Variants in ZNF607 observed in about 807,000 individuals in gnomAD.
The protein encoded by ZNF607 is zinc finger protein 607.
A neutral mutation model predicts 12.8 loss-of-function variants in ZNF607; 5 were observed. The ratio of observed to expected loss-of-function variants is 0.39; its 90% confidence interval spans 0.20 to 0.82. The LOEUF (loss-of-function observed/expected upper bound fraction) is 0.82. Ranked by LOEUF, ZNF607 falls within the 40% of genes least tolerant of loss-of-function variation. The pLI, the probability that ZNF607 is intolerant of heterozygous loss-of-function variation, is 0.39. For missense variants in ZNF607, 851 were observed against 859.2 expected, an observed-to-expected ratio of 0.99 and a Z score of 0.12; for synonymous variants, 287 against 276.2, an observed-to-expected ratio of 1.04 and a Z score of -0.39.
intron 1 of ZNF607, among the ~76,000 whole-genome samples, chr19:37,717,346 C>T (rs1460549704): frequency 3.3e-5 from 5 of 152,082 alleles, no homozygotes; most frequent in South Asian, 2.1e-4. Flanking sequence ...CCACCACGCC[C>T]GGCTAATTTT....
At chr19:37,709,432 C>G (rs2045112799) in intron 3 of ZNF607, among the ~76,000 whole-genome samples, 1 of 152,144 alleles carries the variant, frequency 6.6e-6, no homozygotes, top group South Asian at 2.1e-4. Flanking sequence ...AGCTAAACCA[C>G]TGGTTCAACC....
Position 37,697,002 on chromosome 19 carries a change from A to G in ZNF607, c.*1038T>C. 1.4e-6 allele frequency: 1 copy of G among 715,264 alleles called. No homozygotes were observed. The highest frequency in any genetic ancestry group is 1.4e-5 in the South Asian group (1 of 69,374). The allele number at this position is 715,264 out of a possible 1,614,324, so 44.3% of individuals were successfully genotyped here. On this transcript the variant is annotated 3_prime_UTR_variant, in exon 5 of 5. Coordinates refer to ENST00000355202, the MANE Select transcript of ZNF607 (RefSeq NM_032689.5). ...CTGGGTGATTAGTTCTCCAGCATCA[A>G]AGCGAGCCACCAGTGACTTGAGGAT...
intron 2 of ZNF607, among the ~76,000 whole-genome samples, chr19:37,711,140 A>G (rs1484929044): frequency 6.6e-6 from 1 of 152,232 alleles, no homozygotes; most frequent in Non-Finnish European, 1.5e-5. Flanking sequence ...ACTAATTCAC[A>G]CAAAACATGA....
rs998282906 is a variant in ZNF607, at chr19:37,708,030, T to C, written c.137-18A>G. 6.9e-6 allele frequency: 11 copies of C among 1,586,298 alleles called. No homozygotes were observed. Among genetic ancestry groups the C allele is most frequent in the Non-Finnish European group, 9.4e-6 (11 of 1,164,952 alleles). ...ATGTCCTGCTTACAAAGAAAAGAAG[T>C]GCCACAAAATACGGAAATCAACTTT... On this transcript the variant is annotated intron_variant, in intron 3 of 4. Transcript: ENST00000355202.
chr19:37,707,968 G>C lies in ZNF607; in HGVS notation c.181C>G (p.Gln61Glu). The change falls in exon 4 of 5, where the codon CAA becomes GAA. Residue 61 changes from glutamine (Q) to glutamate (E), a missense_variant. Gln to Glu is a conservative substitution (Grantham distance 29). Coordinates refer to ENST00000355202, the MANE Select transcript of ZNF607 (RefSeq NM_032689.5). The part of the protein sequence containing the change: ...SKPDLITLLE[Q>E]GKEPWMIVRE... ...ACAATCATCCATGGCTCTTTTCCTT[G>C]CTCCAATAAGGTGATTAAATCTGGC... 6.2e-7 allele frequency: 1 copy of C among 1,613,852 alleles called. No individual in the cohort carries two copies. The highest frequency in any genetic ancestry group is 1.1e-5 in the South Asian group (1 of 91,048).
chr19:37,698,966 C>G lies in ZNF607; in HGVS notation c.1165G>C (p.Gly389Arg). The change falls in exon 5 of 5, where the codon GGT becomes CGT. Residue 389 changes from glycine (G) to arginine (R), a missense_variant. Coordinates refer to ENST00000355202, the MANE Select transcript of ZNF607 (RefSeq NM_032689.5). ...RLTRHQGIHS[G>R]KKPYECNKCG... ...TTGTTACATTCATAGGGTTTCTTAC[C>G]ACTATGAATACCCTGATGTCGAGTA... is the stretch of plus-strand genomic sequence containing the variant. 1.9e-6 allele frequency: 3 copies of G among 1,613,738 alleles called. No homozygotes were observed.
chr19:37,718,121 C>G (rs1354349882), intron 1 of ZNF607, among the ~76,000 whole-genome samples: 1 of 152,154 alleles, frequency 6.6e-6, no homozygotes, highest in East Asian at 1.9e-4. Flanking sequence ...TAGAAAAATG[C>G]AAATTAACAA....
At chr19:37,708,773 G>A (rs530264811) in intron 3 of ZNF607, among the ~76,000 whole-genome samples, 67 of 151,230 alleles carry the variant, frequency 4.4e-4, no homozygotes, top group Non-Finnish European at 7.2e-4. Flanking sequence ...ACTTTAACCC[G>A]GGAGGCGGAG....
intron 4 of ZNF607, among the ~76,000 whole-genome samples, chr19:37,705,172 G>A (rs1189284590): frequency 4.6e-5 from 7 of 152,098 alleles, no homozygotes; most frequent in Admixed American, 1.3e-4. Context: ...CCAAAGGGGA[G>A]AAAAGGGAAA....
In ZNF607 at chr19:37,707,250, G is replaced by A. The variant is rs147407045; in HGVS notation, c.235+664C>T. On this transcript the variant is annotated intron_variant, in intron 4 of 4. Transcript: ENST00000355202. Reference sequence around the variant, plus strand: ...CTCACACTTGTAATCTTGGCACGTTGGGAGGCTGAGACGGGTGGATCGCTT... The same window carrying A: ...CTCACACTTGTAATCTTGGCACGTTAGGAGGCTGAGACGGGTGGATCGCTT... 7.0e-4 allele frequency among the ~76,000 whole-genome samples: 107 copies of A among 152,278 alleles called. 1 individual carries two copies. Among genetic ancestry groups the A allele is most frequent in the African/African-American group, 2.5e-3 (104 of 41,554 alleles).
At chr19:37,716,898 TA>T (rs1202378603) in intron 1 of ZNF607, among the ~76,000 whole-genome samples, 2 of 152,220 alleles carry the variant, frequency 1.3e-5, no homozygotes, top group Non-Finnish European at 2.9e-5. Flanking sequence ...TCAGCGTGAC[TA>T]AAACATGTAA....
chr19:37,703,936 A>G (rs983167480), intron 4 of ZNF607, among the ~76,000 whole-genome samples: 1 of 152,160 alleles, frequency 6.6e-6, no homozygotes, highest in Non-Finnish European at 1.5e-5. Context: ...GGAGATCGAG[A>G]CTAGCCTGGC....
At chr19:37,703,933 G>A (rs1186511334) in intron 4 of ZNF607, among the ~76,000 whole-genome samples, 1 of 152,052 alleles carries the variant, frequency 6.6e-6, no homozygotes, top group Non-Finnish European at 1.5e-5. Context: ...TCAGGAGATC[G>A]AGACTAGCCT....
At chr19:37,706,206 A>G (rs533123797) in intron 4 of ZNF607, among the ~76,000 whole-genome samples, 1 of 151,314 alleles carries the variant, frequency 6.6e-6, no homozygotes, top group African/African-American at 2.4e-5. Flanking sequence ...AAGATGGAAA[A>G]GAGAGGAGAA....
intron 1 of ZNF607, among the ~76,000 whole-genome samples, chr19:37,716,360 G>A (rs950621386): frequency 1.3e-5 from 2 of 152,174 alleles, no homozygotes; most frequent in Non-Finnish European, 2.9e-5. Context: ...GGAGTCTCCT[G>A]TTTTCAGGAA....
intron 1 of ZNF607, among the ~76,000 whole-genome samples, chr19:37,711,945 C>T (rs1025008646): frequency 6.6e-6 from 1 of 152,132 alleles, no homozygotes; most frequent in Non-Finnish European, 1.5e-5. Context: ...AATTTTCTGG[C>T]CAATGTACGA....
chr19:37,705,270 T>C (rs1000343345), intron 4 of ZNF607, among the ~76,000 whole-genome samples: 5 of 152,138 alleles, frequency 3.3e-5, no homozygotes, highest in Admixed American at 2.6e-4. Flanking sequence ...GCCAATCAAT[T>C]TGACAACTTA....
chr19:37,712,577 T>C (rs1568407453), intron 1 of ZNF607, among the ~76,000 whole-genome samples: 3 of 152,314 alleles, frequency 2.0e-5, no homozygotes. Context: ...TTTGGCTGAA[T>C]ACATGAAACA....
Position 37,696,926 on chromosome 19 carries a change from G to GCCCAAA in ZNF607, c.*1113_*1114insTTTGGG. 1 of 672,390 alleles carries GCCCAAA rather than the reference G, an allele frequency of 1.5e-6. No homozygotes were observed. Among genetic ancestry groups the GCCCAAA allele is most frequent in the Non-Finnish European group, 2.7e-6 (1 of 367,712 alleles). 41.7% of individuals were successfully genotyped at this position (672,390 alleles called of 1,614,324 possible). ...CGTCGTCCAGAATGAGCCCAAAGGT[G>GCCCAAA]GCTGCTCACTCCATAAGGTTGTTGC... is the stretch of plus-strand genomic sequence containing the variant. On this transcript the variant is annotated 3_prime_UTR_variant, in exon 5 of 5. Transcript: ENST00000355202.
Sources: gnomAD v4.1 joint callset for allele counts (sites outside exome capture counted in the v4.1 genomes callset) on GRCh38, gnomAD v4.1.1 for gene constraint, MANE v1.5 for transcripts, NCBI Gene and HGNC (gene_info 2026-07-23, HGNC 2026-07-21) for gene names.